Variants in NELL1 observed in about 807,000 individuals in gnomAD.
NELL1 encodes the protein neural EGFL like 1, also known as protein kinase C-binding protein NELL1.
A neutral mutation model predicts 107.4 loss-of-function variants in NELL1; 76 were observed. That is an observed-to-expected ratio of 0.71 (90% CI 0.59 to 0.86). The LOEUF is 0.86. Ranked by LOEUF, NELL1 falls within the 40% of genes least tolerant of loss-of-function variation. NELL1 has a pLI of 0.00. For missense variants in NELL1, 1,024 were observed against 1,005.5 expected (o/e 1.02, Z -0.25); for synonymous variants, 353 against 341.2 (o/e 1.03, Z -0.38).
chr11:20,982,084 C>T (rs563990677), intron 12 of NELL1, among the ~76,000 whole-genome samples: 1 of 152,192 alleles, frequency 6.6e-6, no homozygotes, highest in South Asian at 2.1e-4. Context: ...TAAGTAATCC[C>T]AGTGGATCTA....
chr11:20,681,866 G>A (rs1207323075), intron 2 of NELL1, among the ~76,000 whole-genome samples: 1 of 151,966 alleles, frequency 6.6e-6, no homozygotes, highest in Non-Finnish European at 1.5e-5. Context: ...TCAGTCCAAG[G>A]TCGACTTCTG....
chr11:20,761,919 G>A (rs1242744112), intron 2 of NELL1, among the ~76,000 whole-genome samples: 2 of 152,184 alleles, frequency 1.3e-5, no homozygotes, highest in Non-Finnish European at 2.9e-5. Context: ...AGACATACGA[G>A]AGTCTGAACT....
chr11:21,386,038 C>A (rs919078519), intron 15 of NELL1, among the ~76,000 whole-genome samples: 6 of 151,902 alleles, frequency 3.9e-5, no homozygotes, highest in Admixed American at 1.3e-4. Flanking sequence ...CAGTGCACTC[C>A]ATATCAACTT....
chr11:21,182,510 C>T (rs1856849966), intron 13 of NELL1, among the ~76,000 whole-genome samples: 1 of 150,446 alleles, frequency 6.6e-6, no homozygotes, highest in South Asian at 2.1e-4. Flanking sequence ...AGTCAGGAGA[C>T]AGTAACCACA....
At chr11:20,808,406 A>C (rs1294215940) in intron 3 of NELL1, among the ~76,000 whole-genome samples, 1 of 151,650 alleles carries the variant, frequency 6.6e-6, no homozygotes, top group African/African-American at 2.4e-5. Context: ...AGTCCTCTTC[A>C]CTCTTCCATT....
At chr11:21,554,772 T>C (rs1856667800) in intron 16 of NELL1, among the ~76,000 whole-genome samples, 1 of 151,832 alleles carries the variant, frequency 6.6e-6, no homozygotes, top group Non-Finnish European at 1.5e-5. Context: ...GTTAGGTAAA[T>C]TTTTAGAGTC....
intron 15 of NELL1, among the ~76,000 whole-genome samples, chr11:21,458,376 G>A (rs1395377248): frequency 6.6e-6 from 1 of 152,072 alleles, no homozygotes; most frequent in Non-Finnish European, 1.5e-5. Context: ...ATTCCACCCT[G>A]TAGATATAAT....
intron 13 of NELL1, among the ~76,000 whole-genome samples, chr11:21,189,192 C>T (rs2133833527): frequency 6.6e-6 from 1 of 151,954 alleles, no homozygotes; most frequent in East Asian, 1.9e-4. Flanking sequence ...GAATAGTTCA[C>T]AATTTACTTA....
At chr11:20,925,701 T>G (rs1486180360) in intron 7 of NELL1, among the ~76,000 whole-genome samples, 1 of 152,184 alleles carries the variant, frequency 6.6e-6, no homozygotes, top group Non-Finnish European at 1.5e-5. Flanking sequence ...GGGCTGCTCA[T>G]GGTGCATGGT....
intron 2 of NELL1, among the ~76,000 whole-genome samples, chr11:20,721,458 T>C (rs371158734): frequency 1.1e-3 from 165 of 152,124 alleles, no homozygotes; most frequent in African/African-American, 3.8e-3. Flanking sequence ...TTCATGCAAC[T>C]GCTATAAGGA....
At chr11:20,929,399 ATTG>A (rs949951611) in intron 9 of NELL1, among the ~76,000 whole-genome samples, 6 of 151,676 alleles carry the variant, frequency 4.0e-5, no homozygotes, top group Non-Finnish European at 5.9e-5. Context: ...AGCCCAAATA[ATTG>A]TTGAACTTTT....
intron 12 of NELL1, among the ~76,000 whole-genome samples, chr11:20,981,153 G>T (rs541584274): frequency 1.3e-5 from 2 of 152,272 alleles, no homozygotes; most frequent in East Asian, 3.9e-4. Context: ...ACCATGCAAG[G>T]CACTTAAAAC....
chr11:21,430,784 A>C (rs1430563769), intron 15 of NELL1, among the ~76,000 whole-genome samples: 2 of 152,182 alleles, frequency 1.3e-5, no homozygotes, highest in Non-Finnish European at 2.9e-5. Flanking sequence ...GCCTAACTCC[A>C]GGAGTATGTT....
intron 13 of NELL1, among the ~76,000 whole-genome samples, chr11:21,166,842 A>G (rs929405162): frequency 6.6e-6 from 1 of 151,958 alleles, no homozygotes; most frequent in Non-Finnish European, 1.5e-5. Context: ...ATGTAAAAAC[A>G]TGGCCTTTTG....
At chr11:21,167,363 T>G (rs1856507750) in intron 13 of NELL1, among the ~76,000 whole-genome samples, 2 of 151,734 alleles carry the variant, frequency 1.3e-5, no homozygotes, top group Non-Finnish European at 2.9e-5. Flanking sequence ...TGGGTACTGT[T>G]TTTTTTGGCA....
intron 12 of NELL1, among the ~76,000 whole-genome samples, chr11:20,981,719 G>A (rs903605404): frequency 6.6e-6 from 1 of 152,180 alleles, no homozygotes; most frequent in Non-Finnish European, 1.5e-5. Context: ...AGAAAGTGTA[G>A]ATGTGTGGTA....
chr11:21,262,317 G>A lies in NELL1; in HGVS notation c.1549+32863G>A, dbSNP rs550391836. Among the ~76,000 whole-genome samples, 12 of 151,676 alleles carry A rather than the reference G, an allele frequency of 7.9e-5. No homozygotes were observed. In the East Asian group the frequency reaches 1.4e-3, roughly 17 times the overall value. ...CTGGGGTCCTTTTTGCCTCTCTGTC[G>A]GGTGAGAGCCCCGTTCCTATGTACT... On this transcript the variant is annotated intron_variant, in intron 14 of 19. Transcript: ENST00000357134.
intron 1 of NELL1, among the ~76,000 whole-genome samples, chr11:20,675,144 C>T (rs75766745): frequency 0.035 from 5,314 of 152,158 alleles, 424 homozygotes; most frequent in East Asian, 0.31. Context: ...AGAACAAACC[C>T]CACTGCACAA....
intron 13 of NELL1, among the ~76,000 whole-genome samples, chr11:21,216,975 C>A (rs1857627880): frequency 6.6e-6 from 1 of 152,070 alleles, no homozygotes; most frequent in African/African-American, 2.4e-5. Flanking sequence ...AAATCTCACC[C>A]TGAATTGTAG....
Sources: gnomAD v4.1 joint callset for allele counts (sites outside exome capture counted in the v4.1 genomes callset) on GRCh38, gnomAD v4.1.1 for gene constraint, MANE v1.5 for transcripts, NCBI Gene and HGNC (gene_info 2026-07-23, HGNC 2026-07-21) for gene names.